The following RFX3 variants were observed in gnomAD, a reference collection of about 807,000 sequenced individuals.
The protein encoded by RFX3 is transcription factor RFX3.
In RFX3, 14 loss-of-function variants were observed where a neutral mutation model predicts 98.6. That is an observed-to-expected ratio of 0.14 (90% CI 0.09 to 0.22). The LOEUF (loss-of-function observed/expected upper bound fraction) is 0.22. RFX3 is among the 10% of genes least tolerant of loss of function. The pLI is 1.00. For synonymous variants in RFX3, 383 were observed against 328.4 expected, an observed-to-expected ratio of 1.17 and a Z score of -1.80; for missense variants, 639 against 926.9, an observed-to-expected ratio of 0.69 and a Z score of 4.03.
At chr9:3,375,340 A>C (rs184634496) in intron 2 of RFX3, among the ~76,000 whole-genome samples, 1 of 152,200 alleles carries the variant, frequency 6.6e-6, no homozygotes, top group African/African-American at 2.4e-5. Flanking sequence ...TTCTGATCCC[A>C]GTGAGCAAGA....
chr9:3,338,560 T>C (rs1833475571), intron 3 of RFX3, among the ~76,000 whole-genome samples: 1 of 152,170 alleles, frequency 6.6e-6, no homozygotes, highest in Non-Finnish European at 1.5e-5. Flanking sequence ...CTCACATTTT[T>C]AATGTGCATC....
At chr9:3,408,091 C>T (rs1380956877) in intron 1 of RFX3, among the ~76,000 whole-genome samples, 2 of 152,162 alleles carry the variant, frequency 1.3e-5, no homozygotes, top group East Asian at 3.8e-4. Flanking sequence ...AATCTCAATT[C>T]GTTCATTCAC....
intron 4 of RFX3, among the ~76,000 whole-genome samples, chr9:3,323,532 G>A (rs1233267700): frequency 6.6e-6 from 1 of 151,940 alleles, no homozygotes; most frequent in Non-Finnish European, 1.5e-5. Context: ...GAAGGATCAA[G>A]CAAAAGATAT....
At chr9:3,441,651 C>A (rs1251053105) in intron 1 of RFX3, among the ~76,000 whole-genome samples, 1 of 151,736 alleles carries the variant, frequency 6.6e-6, no homozygotes, top group Non-Finnish European at 1.5e-5. Flanking sequence ...GAACGAGTAA[C>A]AAAATAACGT....
chr9:3,331,699 A>C (rs1308051048), intron 3 of RFX3, among the ~76,000 whole-genome samples: 1 of 152,152 alleles, frequency 6.6e-6, no homozygotes, highest in Non-Finnish European at 1.5e-5. Context: ...TTTCTAGCAC[A>C]TCAAATATTA....
intron 3 of RFX3, among the ~76,000 whole-genome samples, chr9:3,341,882 C>T (rs913520776): frequency 2.6e-5 from 4 of 152,164 alleles, no homozygotes; most frequent in Admixed American, 6.5e-5. Flanking sequence ...ATCTCAATTA[C>T]AGAATTCCAT....
At position 3,256,859 on chromosome 9, in the gene RFX3, G is replaced by T. The variant is rs1822212441; in HGVS notation, c.1814+132C>A. On this transcript the variant is annotated intron_variant, in intron 14 of 16. Coordinates refer to ENST00000617270, the MANE Select transcript of RFX3 (RefSeq NM_001282116.2). ...TCACTGAGTTGGGTTGAAGGTAGTTGTAACAGGGAGTTTCCACAAACTAAA... is the reference window on the plus strand; with the variant it reads ...TCACTGAGTTGGGTTGAAGGTAGTTTTAACAGGGAGTTTCCACAAACTAAA... 1.0e-5 allele frequency: 8 copies of T among 785,836 alleles called. No homozygotes were observed. In the South Asian group the frequency reaches 1.2e-4, roughly 12 times the overall value. The allele number at this position is 785,836 out of a possible 1,614,324, so 48.7% of individuals were successfully genotyped here.
At chr9:3,267,695 C>T (rs955713529) in intron 11 of RFX3, among the ~76,000 whole-genome samples, 2 of 151,712 alleles carry the variant, frequency 1.3e-5, no homozygotes, top group African/African-American at 4.8e-5. Flanking sequence ...TCTTTTGAAA[C>T]CTTCAAAGCT....
intron 3 of RFX3, among the ~76,000 whole-genome samples, chr9:3,340,661 C>G (rs1833781366): frequency 6.6e-6 from 1 of 152,170 alleles, no homozygotes; most frequent in African/African-American, 2.4e-5. Context: ...AAATGCTCAT[C>G]ATCACTGGCC....
Position 3,288,202 on chromosome 9 carries a change from G to T in RFX3, c.780C>A (p.Ser260=), listed in dbSNP as rs1310582804. ...HYYGIRVKPD[S]PLNRLQEDMQ... ...TGTCTTCTTGCAGACGATTAAGAGG[G>T]GAATCTGGCTTGACACGAATCCCAT... The change falls in exon 7 of 17, where the codon TCC becomes TCA. Residue 260 remains serine, a synonymous_variant. Coordinates refer to ENST00000617270, the MANE Select transcript of RFX3 (RefSeq NM_001282116.2). 2 of 1,612,214 alleles carry T rather than the reference G, an allele frequency of 1.2e-6. No homozygotes were observed. Among genetic ancestry groups the T allele is most frequent in the African/African-American group, 2.7e-5 (2 of 74,832 alleles).
intron 1 of RFX3, among the ~76,000 whole-genome samples, chr9:3,412,230 T>C (rs1352257244): frequency 6.6e-6 from 1 of 152,184 alleles, no homozygotes; most frequent in African/African-American, 2.4e-5. Flanking sequence ...TACTTTACTT[T>C]ATCTATGTTC....
At chr9:3,392,881 C>T (rs911182018) in intron 2 of RFX3, among the ~76,000 whole-genome samples, 2 of 151,938 alleles carry the variant, frequency 1.3e-5, no homozygotes, top group Non-Finnish European at 2.9e-5. Flanking sequence ...CTGTTTACTA[C>T]AAGGCTGGAT....
chr9:3,268,170 G>A (rs1823901093), intron 11 of RFX3, among the ~76,000 whole-genome samples: 2 of 151,544 alleles, frequency 1.3e-5, no homozygotes, highest in Non-Finnish European at 2.9e-5. Context: ...TCAGATAACT[G>A]CATTTTAGAA....
intron 2 of RFX3, among the ~76,000 whole-genome samples, chr9:3,389,924 C>G (rs1840124267): frequency 6.6e-6 from 1 of 152,122 alleles, no homozygotes; most frequent in Admixed American, 6.6e-5. Context: ...TCAGAATTCT[C>G]TATCCCTGAA....
chr9:3,251,677 T>C (rs951622330), intron 14 of RFX3, among the ~76,000 whole-genome samples: 9 of 152,044 alleles, frequency 5.9e-5, no homozygotes, highest in Non-Finnish European at 1.5e-5. Flanking sequence ...ATTAACTGCA[T>C]AATAAAAATA....
intron 1 of RFX3, among the ~76,000 whole-genome samples, chr9:3,493,291 C>A (rs1040439903): frequency 4.6e-5 from 7 of 152,072 alleles, no homozygotes; most frequent in African/African-American, 1.7e-4. Context: ...AGAGAGGTTC[C>A]CCTGACTTCT....
Position 3,525,801 on chromosome 9 carries a change from G to T in RFX3, c.-63C>A. 1.5e-6 allele frequency: 1 copy of T among 651,288 alleles called. No individual in the cohort carries two copies. Among genetic ancestry groups the T allele is most frequent in the Non-Finnish European group, 1.9e-6 (1 of 524,120 alleles). The allele number at this position is 651,288 out of a possible 1,614,324, so 40.3% of individuals were successfully genotyped here. Reference sequence around the variant, plus strand: ...GTGGGTGATGGAGATGGTGGTGGTGGGGAGGAGGAGGAGGAAGAGGAGGAG... The same window carrying T: ...GTGGGTGATGGAGATGGTGGTGGTGTGGAGGAGGAGGAGGAAGAGGAGGAG... On this transcript the variant is annotated 5_prime_UTR_variant, in exon 1 of 17. Coordinates refer to ENST00000617270, the MANE Select transcript of RFX3 (RefSeq NM_001282116.2).
intron 1 of RFX3, among the ~76,000 whole-genome samples, chr9:3,492,536 T>C (rs1362147541): frequency 6.6e-6 from 1 of 152,172 alleles, no homozygotes; most frequent in Non-Finnish European, 1.5e-5. Context: ...GCAAAGTTCT[T>C]GACTATACTC....
Position 3,221,436 on chromosome 9 carries a change from C to G in RFX3, c.*3606G>C, listed in dbSNP as rs1212007620. 1.3e-5 allele frequency: 2 copies of G among 152,148 alleles called. No individual in the cohort carries two copies. Among genetic ancestry groups the G allele is most frequent in the Non-Finnish European group, 2.9e-5 (2 of 68,006 alleles). The allele number at this position is 152,148 out of a possible 1,614,324, so 9.4% of individuals were successfully genotyped here. Reference sequence around the variant, plus strand: ...CAAAGGCAGTCAATGCTGCACACTACTAATTTTAGGTATGCAGTGTTAAAA... The same window carrying G: ...CAAAGGCAGTCAATGCTGCACACTAGTAATTTTAGGTATGCAGTGTTAAAA... On this transcript the variant is annotated 3_prime_UTR_variant, in exon 17 of 17. Coordinates refer to ENST00000617270, the MANE Select transcript of RFX3 (RefSeq NM_001282116.2).
Sources: gnomAD v4.1 joint callset for allele counts (sites outside exome capture counted in the v4.1 genomes callset) on GRCh38, gnomAD v4.1.1 for gene constraint, MANE v1.5 for transcripts, NCBI Gene and HGNC (gene_info 2026-07-23, HGNC 2026-07-21) for gene names.